Variants in MCM3AP observed in about 807,000 individuals in gnomAD.
MCM3AP encodes the protein germinal-center associated nuclear protein.
In MCM3AP, 126 loss-of-function variants were observed where a neutral mutation model predicts 184.1. The ratio of observed to expected loss-of-function variants is 0.68; its 90% confidence interval spans 0.59 to 0.79. The LOEUF is 0.79. MCM3AP is among the 30% of genes least tolerant of loss of function. The probability of loss-of-function intolerance (pLI) is 0.00; values close to 1 mark genes in which losing one functional copy is unlikely to be tolerated. For synonymous variants in MCM3AP, 1,002 were observed against 979.3 expected (o/e 1.02, Z -0.43); for missense variants, 2,496 against 2,479.2 (o/e 1.01, Z -0.14).
rs1235254043 is a variant in MCM3AP at position 46,242,914 on chromosome 21, C to T, written c.5314G>A (p.Gly1772Ser). 1 of 1,608,106 alleles carries T rather than the reference C, an allele frequency of 6.2e-7. No homozygotes were observed. The highest frequency in any genetic ancestry group is 1.3e-5 in the African/African-American group (1 of 74,314). ...PVTSEALSED[G>S]QICVYFFKND... ...TTAAAAAAATACACACATATCTGAC[C>T]ATCTTCACTCAGCGCCTCTGAGAAA... Residue 1772 changes from glycine to serine, a missense_variant, in exon 25 of 28, where the codon GGT (glycine) becomes AGT (serine). Gly to Ser is a moderately conservative substitution (Grantham distance 56). Coordinates refer to ENST00000291688, the MANE Select transcript of MCM3AP (RefSeq NM_003906.5).
chr21:46,283,909 A>G, intron 1 of MCM3AP, 71 bp from the exon 2 acceptor site: 2 of 1,551,290 alleles, frequency 1.3e-6, no homozygotes, highest in South Asian at 2.4e-5. Flanking sequence ...ACTGTGTCGA[A>G]GCAGAGGAAA....
At position 46,260,861 on chromosome 21, in the gene MCM3AP, G is replaced by A. The variant is rs778884688; in HGVS notation, c.3513C>T (p.Gly1171=). Residue 1171 remains glycine (G), a synonymous_variant, in exon 15 of 28, where the codon GGC becomes GGT. Transcript: ENST00000291688. The part of the protein sequence containing the change: ...RELVLSELSQ[G]LAVELMERVM... ...CGCGTTCCATCAGCTCCACGGCCAG[G>A]CCCTGGCTCAGCTCACTTAACACCA... 4 of 1,614,016 alleles carry A rather than the reference G, an allele frequency of 2.5e-6. No individual in the cohort carries two copies. In the African/African-American group the frequency reaches 4.0e-5, roughly 16 times the overall value.
intron 15 of MCM3AP, among the ~76,000 whole-genome samples, chr21:46,259,563 A>T (rs1216759720): frequency 1.3e-5 from 2 of 152,032 alleles, no homozygotes; most frequent in African/African-American, 4.8e-5. Flanking sequence ...TCAGGTCAGG[A>T]GTTCGAAACC....
intron 2 of MCM3AP, 118 bp from the exon 3 acceptor site, chr21:46,280,693 C>T (rs971611923): frequency 8.8e-6 from 6 of 682,834 alleles, no homozygotes; most frequent in Middle Eastern, 2.5e-4. Flanking sequence ...GAGCTCCTGT[C>T]CTTTGCACGA....
At chr21:46,282,437 C>G (rs927924498) in intron 2 of MCM3AP, among the ~76,000 whole-genome samples, 1 of 152,118 alleles carries the variant, frequency 6.6e-6, no homozygotes, top group African/African-American at 2.4e-5. Flanking sequence ...TATGAGAATA[C>G]TCAGAAAAAA....
intron 9 of MCM3AP, 67 bp from the exon 10 acceptor site, chr21:46,267,209 A>G: frequency 6.7e-7 from 1 of 1,501,780 alleles, no homozygotes; most frequent in Non-Finnish European, 9.1e-7. Context: ...CAGTCAGCCC[A>G]TGACCACAGC....
At position 46,245,020 on chromosome 21, in the gene MCM3AP, T is replaced by C. The variant is rs1201788296; in HGVS notation, c.4825A>G (p.Ile1609Val). 2.5e-6 allele frequency: 4 copies of C among 1,614,080 alleles called. No individual in the cohort carries two copies. Among genetic ancestry groups the C allele is most frequent in the African/African-American group, 1.3e-5 (1 of 74,932 alleles). ...TGCAGCACACTGTTAAACAGCTCAA[T>C]GATGGCGCCAGGCTCCTGAGAAGCA... Reference protein sequence around the residue: ...GLASQEPGAIIELFNSVLQFL... With the variant: ...GLASQEPGAIVELFNSVLQFL... Residue 1609 changes from isoleucine to valine, a missense_variant, in exon 23 of 28, where the codon ATT becomes GTT. Physicochemically the swap from Ile to Val is conservative, Grantham distance 29. Around this residue, in one of 5 missense-constraint regions of MCM3AP, gnomAD observed 1,323 missense variants for 1,273.4 expected, o/e 1.04. Coordinates refer to ENST00000291688, the MANE Select transcript of MCM3AP (RefSeq NM_003906.5).
rs2081367584 is a variant in MCM3AP at position 46,284,067 on chromosome 21, CCTT to C, written c.1217_1219del (p.Glu406del). The C allele has an allele frequency of 2.5e-6, 4 of 1,609,460 alleles. No homozygotes were observed. Among genetic ancestry groups the C allele is most frequent in the Non-Finnish European group, 3.4e-6 (4 of 1,177,268 alleles). ...CTATGTGCTACATTTTCAGAGCTCA[CCTT>C]CTTTCTTCTCTCTACTTTCAGTTTC... On this transcript the variant is annotated inframe_deletion and splice_region_variant, in exon 1 of 28. Transcript: ENST00000291688.
At chr21:46,246,582 A>G in intron 21 of MCM3AP, 46 bp downstream of exon 21, 1 of 1,599,580 alleles carries the variant, frequency 6.3e-7, no homozygotes, top group African/African-American at 1.3e-5. Flanking sequence ...GCCTCCACCC[A>G]TTTATTAAAC....
chr21:46,248,862 T>C (rs113911448), intron 20 of MCM3AP, among the ~76,000 whole-genome samples: 1 of 151,184 alleles, frequency 6.6e-6, no homozygotes, highest in Non-Finnish European at 1.5e-5. Flanking sequence ...GAAAATAGGA[T>C]AGAAAATAGG....
rs760828321 is a variant in MCM3AP, at chr21:46,259,110, G to C, written c.3582-19C>G. The C allele has an allele frequency of 1.4e-5, 22 of 1,595,902 alleles. No homozygotes were observed. Among genetic ancestry groups the C allele is most frequent in the Non-Finnish European group, 1.8e-5 (21 of 1,171,212 alleles). Reference sequence around the variant, plus strand: ...TGCATTCCTAGAAACAGGGCAATCAGCATGGAAGACACTGCACTTGGGGCC... The same window carrying C: ...TGCATTCCTAGAAACAGGGCAATCACCATGGAAGACACTGCACTTGGGGCC... On this transcript the variant is annotated intron_variant, in intron 15 of 27. Transcript: ENST00000291688.
At chr21:46,243,854 T>A (rs772383106) in intron 23 of MCM3AP, 132 bp from the exon 24 acceptor site, 1 of 866,832 alleles carries the variant, frequency 1.2e-6, no homozygotes, top group Non-Finnish European at 1.7e-6. Context: ...AGAACCACAG[T>A]TGTTGAGGGG....
chr21:46,279,788 C>T (rs2081305471), intron 4 of MCM3AP, among the ~76,000 whole-genome samples: 1 of 152,090 alleles, frequency 6.6e-6, no homozygotes, highest in African/African-American at 2.4e-5. Flanking sequence ...TGGCTGGGAC[C>T]ACCAGCCCCA....
In MCM3AP at chr21:46,265,436, G is replaced by A; in HGVS notation, c.3119C>T (p.Pro1040Leu). ...PQSLPAPAPSPVPLPPVLALT... is the reference protein window; with the variant it reads ...PQSLPAPAPSLVPLPPVLALT... The stretch of plus-strand genomic sequence containing the variant: ...TGCCAGGACAGGAGGCAGAGGCACT[G>A]GTGAGGGCGCAGGGGCTGGTAGAGA... Residue 1040 changes from proline (P) to leucine (L), a missense_variant, in exon 12 of 28, where the codon CCA (proline) becomes CTA (leucine). Physicochemically the swap from Pro to Leu is moderately conservative, Grantham distance 98. Transcript: ENST00000291688. 1 of 1,614,080 alleles carries A rather than the reference G, an allele frequency of 6.2e-7. No homozygotes were observed.
chr21:46,255,545 G>A (rs545714520), intron 17 of MCM3AP, among the ~76,000 whole-genome samples: 1 of 152,136 alleles, frequency 6.6e-6, no homozygotes, highest in Non-Finnish European at 1.5e-5. Flanking sequence ...GTCTGAGAGA[G>A]ATGCAAGCCC....
At chr21:46,251,383 G>A (rs147087242) in intron 20 of MCM3AP, 146 bp downstream of exon 20, 119 of 595,592 alleles carry the variant, frequency 2.0e-4, no homozygotes, top group African/African-American at 1.8e-3. Context: ...CGACATGTAC[G>A]GACAGACATA....
At chr21:46,274,938 C>CA (rs35282554) in intron 6 of MCM3AP, among the ~76,000 whole-genome samples, 30,950 of 96,686 alleles carry the variant, frequency 0.32, 4,867 homozygotes, top group Non-Finnish European at 0.37. Context: ...GACCCTGTCT[C>CA]AAAAAAAAAA....
chr21:46,280,149 G>T lies in MCM3AP; in HGVS notation c.1523-12C>A, dbSNP rs776932959. ...TTTCTTATTGGGGCCTGTGGACATAGGAGGCAGAAAAGAGTTTATGCAATC... is the reference window on the plus strand; with the variant it reads ...TTTCTTATTGGGGCCTGTGGACATATGAGGCAGAAAAGAGTTTATGCAATC... On this transcript the variant is annotated splice_polypyrimidine_tract_variant and intron_variant, in intron 3 of 27. Transcript: ENST00000291688. The T allele has an allele frequency of 2.5e-6, 4 of 1,613,688 alleles. No homozygotes were observed. Among genetic ancestry groups the T allele is most frequent in the Non-Finnish European group, 3.4e-6 (4 of 1,179,846 alleles).
intron 13 of MCM3AP, among the ~76,000 whole-genome samples, chr21:46,263,409 A>G (rs1343177312): frequency 6.6e-6 from 1 of 152,188 alleles, no homozygotes; most frequent in Non-Finnish European, 1.5e-5. Context: ...ACTACAAAGC[A>G]TTGTCGAAAG....
Sources: gnomAD v4.1 joint callset for allele counts (sites outside exome capture counted in the v4.1 genomes callset) on GRCh38, gnomAD v4.1.1 for gene constraint, gnomAD v4.1.1 regional missense constraint, MANE v1.5 for transcripts, NCBI Gene and HGNC (gene_info 2026-07-23, HGNC 2026-07-21) for gene names.